XYLT1: variants seen among roughly 807,000 people sequenced by gnomAD.
XYLT1 encodes the protein xylosyltransferase 1.
In XYLT1, 36 loss-of-function variants were observed where a neutral mutation model predicts 91.3. The observed-to-expected ratio is 0.39, with a 90% confidence interval of 0.30 to 0.52. XYLT1 has a LOEUF of 0.52. XYLT1 is among the 20% of genes least tolerant of loss of function. The pLI, the probability that XYLT1 is intolerant of heterozygous loss-of-function variation, is 0.68. For synonymous variants in XYLT1, 588 were observed against 532.0 expected, an observed-to-expected ratio of 1.11 and a Z score of -1.45; for missense variants, 1,242 against 1,284.5, an observed-to-expected ratio of 0.97 and a Z score of 0.51.
At chr16:17,161,499 G>A (rs2031551390) in intron 5 of XYLT1, among the ~76,000 whole-genome samples, 1 of 152,164 alleles carries the variant, frequency 6.6e-6, no homozygotes, top group Non-Finnish European at 1.5e-5. Flanking sequence ...TGCTCTGAAT[G>A]CTAAAGCCCA....
At chr16:17,153,464 T>C (rs72775989) in intron 6 of XYLT1, among the ~76,000 whole-genome samples, 15,299 of 152,248 alleles carry the variant, frequency 0.1, 1,161 homozygotes, top group Admixed American at 0.23. Context: ...TGATCTCGCT[T>C]TGTCACCCAG....
chr16:17,105,357 C>G lies in XYLT1; in HGVS notation c.*3338G>C, dbSNP rs563882439. 1 of 152,172 alleles carries G rather than the reference C, an allele frequency of 6.6e-6. No homozygotes were observed. The highest frequency in any genetic ancestry group is 1.5e-5 in the Non-Finnish European group (1 of 68,046). 9.4% of individuals were successfully genotyped at this position (152,172 alleles called of 1,614,324 possible). ...GCTCATCCTCTCTAAACTCCATTTGCGTTTTAGAAGTTAAACCCACAATGA... is the reference window on the plus strand; with the variant it reads ...GCTCATCCTCTCTAAACTCCATTTGGGTTTTAGAAGTTAAACCCACAATGA... On this transcript the variant is annotated 3_prime_UTR_variant, in exon 12 of 12. Transcript: ENST00000261381.
chr16:17,357,164 C>T (rs917726950), intron 2 of XYLT1, among the ~76,000 whole-genome samples: 10 of 109,934 alleles, frequency 9.1e-5, no homozygotes, highest in African/African-American at 3.8e-4. Flanking sequence ...GCAACAGAGA[C>T]TCGGTCTCAA....
chr16:17,400,672 GAAGGAACT>G (rs1441785807), intron 1 of XYLT1, among the ~76,000 whole-genome samples: 1,818 of 133,760 alleles, frequency 0.014, 51 homozygotes, highest in African/African-American at 0.05. Context: ...AGGAAGGAAG[GAAGGAACT>G]AACTAACTTG....
chr16:17,202,255 C>T (rs1199746864), intron 3 of XYLT1, among the ~76,000 whole-genome samples: 2 of 152,172 alleles, frequency 1.3e-5, no homozygotes, highest in Non-Finnish European at 2.9e-5. Flanking sequence ...ACCGGGAGAA[C>T]TGAGATGGAG....
chr16:17,233,026 T>G (rs1283895097), intron 3 of XYLT1, among the ~76,000 whole-genome samples: 1 of 152,158 alleles, frequency 6.6e-6, no homozygotes, highest in Admixed American at 6.5e-5. Context: ...AGGACTTGTC[T>G]CCTCTGCTCT....
chr16:17,331,216 A>G (rs966798484), intron 2 of XYLT1, among the ~76,000 whole-genome samples: 5 of 152,232 alleles, frequency 3.3e-5, no homozygotes, highest in African/African-American at 9.6e-5. Context: ...ACAGCACACA[A>G]GGCCTTCTCA....
intron 1 of XYLT1, among the ~76,000 whole-genome samples, chr16:17,430,141 T>C (rs1567200259): frequency 6.6e-6 from 1 of 151,918 alleles, no homozygotes; most frequent in Non-Finnish European, 1.5e-5. Context: ...TTCACCATGT[T>C]GGCCAGGCTG....
At chr16:17,135,614 C>T (rs377080707) in intron 8 of XYLT1, among the ~76,000 whole-genome samples, 1 of 151,058 alleles carries the variant, frequency 6.6e-6, no homozygotes, top group East Asian at 1.9e-4. Context: ...TGTTTCAGGA[C>T]CACTGATAGC....
intron 7 of XYLT1, 172 bp from the exon 8 acceptor site, chr16:17,138,703 G>A: frequency 1.6e-6 from 1 of 633,404 alleles, no homozygotes; most frequent in Non-Finnish European, 2.6e-6. Context: ...AGAACTGCAA[G>A]CCAAATAAAC....
intron 8 of XYLT1, among the ~76,000 whole-genome samples, chr16:17,137,078 C>T (rs1221837940): frequency 6.6e-6 from 1 of 152,076 alleles, no homozygotes; most frequent in Non-Finnish European, 1.5e-5. Flanking sequence ...TTAGGCAGCC[C>T]CCTGTCTGCC....
At chr16:17,421,564 C>T (rs1312326451) in intron 1 of XYLT1, among the ~76,000 whole-genome samples, 1 of 152,144 alleles carries the variant, frequency 6.6e-6, no homozygotes, top group Non-Finnish European at 1.5e-5. Flanking sequence ...ACCCTGAGGC[C>T]ATCCAGCTGT....
intron 2 of XYLT1, among the ~76,000 whole-genome samples, chr16:17,310,343 C>A (rs2034527561): frequency 6.6e-6 from 1 of 152,170 alleles, no homozygotes; most frequent in African/African-American, 2.4e-5. Context: ...GGAAAGGCTC[C>A]TGTTCCCTTT....
intron 8 of XYLT1, among the ~76,000 whole-genome samples, chr16:17,137,859 G>A (rs1379839909): frequency 1.3e-5 from 2 of 152,164 alleles, no homozygotes; most frequent in East Asian, 3.8e-4. Context: ...TCAACCAGAG[G>A]TGCTGCTAAG....
chr16:17,163,919 T>C (rs1009907031), intron 5 of XYLT1, among the ~76,000 whole-genome samples: 2 of 151,570 alleles, frequency 1.3e-5, no homozygotes, highest in African/African-American at 2.4e-5. Flanking sequence ...TGTGGTGGCA[T>C]GCGCCTGTGA....
chr16:17,430,678 C>A (rs1255610684), intron 1 of XYLT1, among the ~76,000 whole-genome samples: 2 of 152,102 alleles, frequency 1.3e-5, no homozygotes, highest in Non-Finnish European at 2.9e-5. Context: ...TTTTTCCCCA[C>A]CCTAATTTGT....
intron 3 of XYLT1, among the ~76,000 whole-genome samples, chr16:17,236,369 G>C (rs2033248060): frequency 6.7e-6 from 1 of 150,224 alleles, no homozygotes; most frequent in Admixed American, 6.6e-5. Flanking sequence ...AGGAATCAAA[G>C]ACACATGGAC....
At chr16:17,335,141 A>G (rs185990069) in intron 2 of XYLT1, among the ~76,000 whole-genome samples, 11 of 151,466 alleles carry the variant, frequency 7.3e-5, no homozygotes, top group Admixed American at 5.9e-4. Context: ...ACAAGACTCA[A>G]CTGAACGCGG....
chr16:17,153,578 C>T (rs1027810166), intron 6 of XYLT1, among the ~76,000 whole-genome samples: 1 of 152,232 alleles, frequency 6.6e-6, no homozygotes, highest in Admixed American at 6.5e-5. Context: ...CTGTGCCCGG[C>T]CTCTAAGCTA....
Sources: gnomAD v4.1 joint callset for allele counts (sites outside exome capture counted in the v4.1 genomes callset) on GRCh38, gnomAD v4.1.1 for gene constraint, MANE v1.5 for transcripts, NCBI Gene and HGNC (gene_info 2026-07-23, HGNC 2026-07-21) for gene names.